The following E2F2 variants were observed in gnomAD, a reference collection of about 807,000 sequenced individuals.
E2F2 encodes transcription factor E2F2.
E2F2 carries 22 observed loss-of-function variants against 42.2 expected under a neutral mutation model. The observed-to-expected ratio is 0.52, with a 90% CI of 0.37 to 0.74. The LOEUF is 0.74. Among genes scored for constraint, E2F2 ranks in the 30% least tolerant of loss-of-function variants. E2F2 has a pLI of 0.00. For missense variants in E2F2, 481 were observed against 557.8 expected, an observed-to-expected ratio of 0.86 and a Z score of 1.39; for synonymous variants, 248 against 251.6, an observed-to-expected ratio of 0.99 and a Z score of 0.13.
At chr1:23,522,106 C>G in intron 2 of E2F2, 50 bp from the exon 3 acceptor site, 1 of 1,561,838 alleles carries the variant, frequency 6.4e-7, no homozygotes, top group Non-Finnish European at 8.8e-7. Context: ...AGGGCCCGCC[C>G]AGGACCCTCG....
At chr1:23,523,793 G>A (rs1246022062) in intron 2 of E2F2, among the ~76,000 whole-genome samples, 1 of 152,156 alleles carries the variant, frequency 6.6e-6, no homozygotes, top group Non-Finnish European at 1.5e-5. Flanking sequence ...TGCGAGACTG[G>A]CCAGGCATGG....
chr1:23,530,779 G>A lies in E2F2; in HGVS notation c.15C>T (p.Pro5=), dbSNP rs763555046. 5 of 1,550,652 alleles carry A rather than the reference G, an allele frequency of 3.2e-6. No individual in the cohort carries two copies. Among genetic ancestry groups the A allele is most frequent in the Non-Finnish European group, 4.4e-6 (5 of 1,145,374 alleles). ...GCCCAGCGGCCGAAGCCAAGGCCCG[G>A]GGCCCTTGCAGCATAGCGAGTAAGG... The part of the protein sequence containing the change: MLQG[P]RALASAAGQT... The change falls in exon 1 of 7, where the codon CCC becomes CCT. Residue 5 remains proline, a synonymous_variant. Coordinates refer to ENST00000361729, the MANE Select transcript of E2F2 (RefSeq NM_004091.4). This position sits in a 1 kb window ranked among gnomAD's most constrained non-coding sequence, Gnocchi z 4.4.
At chr1:23,518,309 A>G (rs902612742) in intron 5 of E2F2, among the ~76,000 whole-genome samples, 4 of 151,998 alleles carry the variant, frequency 2.6e-5, no homozygotes, top group Non-Finnish European at 5.9e-5. Flanking sequence ...CTACTAAAAA[A>G]AAAATACAAA....
chr1:23,524,403 T>C lies in E2F2; in HGVS notation c.338A>G (p.Asp113Gly). The change falls in exon 2 of 7, where the codon GAT becomes GGT. Residue 113 changes from aspartate to glycine, a missense_variant. By Grantham distance (94) the Asp-to-Gly change is moderately conservative. Transcript: ENST00000361729. The part of the protein sequence containing the change: ...PTPKGKCIRV[D>G]GLPSPKTPKS... ...CTTACTTTTGGGGCTGGGGAGGCCA[T>C]CCACTCTGATGCACTTCCCCTTGGG... is the stretch of plus-strand genomic sequence containing the variant. The C allele has an allele frequency of 6.7e-7, 1 of 1,493,622 alleles. No individual in the cohort carries two copies. The highest frequency in any genetic ancestry group is 9.1e-7 in the Non-Finnish European group (1 of 1,104,862). 92.5% of individuals were successfully genotyped at this position (1,493,622 alleles called of 1,614,324 possible).
At position 23,509,966 on chromosome 1, in the gene E2F2, C is replaced by T. The variant is rs1299521619; in HGVS notation, c.1228G>A (p.Asp410Asn). 2 of 1,612,778 alleles carry T rather than the reference C, an allele frequency of 1.2e-6. No individual in the cohort carries two copies. Among genetic ancestry groups the T allele is most frequent in the Admixed American group, 1.7e-5 (1 of 59,870 alleles). ...GCCTCCAAGCCCCACAGGTAGTCGT[C>T]CTGGTCCAAGGATGGGGAGAAGCTG... The part of the protein sequence containing the change: ...LISFSPSLDQ[D>N]DYLWGLEAGE... Residue 410 changes from aspartate to asparagine, a missense_variant, in exon 7 of 7, where the codon GAC (aspartate) becomes AAC (asparagine). Asp to Asn is a conservative substitution (Grantham distance 23). Coordinates refer to ENST00000361729, the MANE Select transcript of E2F2 (RefSeq NM_004091.4).
At chr1:23,519,154 GTGAC>G in intron 4 of E2F2, 24 bp from the exon 5 acceptor site, 1 of 1,592,946 alleles carries the variant, frequency 6.3e-7, no homozygotes, top group Non-Finnish European at 8.6e-7. Flanking sequence ...GTCAAGAAAA[GTGAC>G]TGTCTGGTCA....
chr1:23,524,216 T>G (rs376747055), intron 2 of E2F2, among the ~76,000 whole-genome samples, 167 bp downstream of exon 2: 28 of 152,152 alleles, frequency 1.8e-4, no homozygotes, highest in Admixed American at 1.2e-3. Context: ...GTTGCCTGAT[T>G]AGTAAAGACA....
rs1267983912 is a variant in E2F2, at chr1:23,507,104, G to A, written c.*2776C>T. 3.3e-5 allele frequency: 4 copies of A among 122,658 alleles called. No homozygotes were observed. Among genetic ancestry groups the A allele is most frequent in the Non-Finnish European group, 8.0e-5 (4 of 49,882 alleles). The allele number at this position is 122,658 out of a possible 1,614,324, so 7.6% of individuals were successfully genotyped here. A position where few individuals can be genotyped will look rare whatever the true frequency, so the allele number is the denominator to read the frequency against. ...GCTTTAGAAGTCCCTGGGGACACGA[G>A]TGATTTTTTTAGGGGGGCTGCTGGT... is the stretch of plus-strand genomic sequence containing the variant. On this transcript the variant is annotated 3_prime_UTR_variant, in exon 7 of 7. Coordinates refer to ENST00000361729, the MANE Select transcript of E2F2 (RefSeq NM_004091.4).
chr1:23,511,385 C>T (rs963566298), intron 6 of E2F2, among the ~76,000 whole-genome samples: 1 of 152,056 alleles, frequency 6.6e-6, no homozygotes, highest in Non-Finnish European at 1.5e-5. Context: ...CTGGTGCGTG[C>T]CACCATGCCC....
chr1:23,520,867 A>T, intron 4 of E2F2, 46 bp downstream of exon 4: 1 of 1,490,060 alleles, frequency 6.7e-7, no homozygotes, highest in Non-Finnish European at 9.0e-7. Flanking sequence ...ATAAACATGC[A>T]ACAGGTTCCT....
chr1:23,521,835 A>G lies in E2F2; in HGVS notation c.578+2T>C. The G allele has an allele frequency of 6.2e-7, 1 of 1,613,400 alleles. No homozygotes were observed. The highest frequency in any genetic ancestry group is 8.5e-7 in the Non-Finnish European group (1 of 1,179,900). The stretch of plus-strand genomic sequence containing the variant: ...GGTACCACTGGCCGCCCAGGCACTC[A>G]CACCCACTGGATGTTGTTCTTGGCC... On this transcript the variant is annotated splice_donor_variant, in intron 3 of 6. Coordinates refer to ENST00000361729, the MANE Select transcript of E2F2 (RefSeq NM_004091.4). LOFTEE classifies it high-confidence loss of function.
chr1:23,511,977 C>G (rs3218199), intron 6 of E2F2, among the ~76,000 whole-genome samples: 2 of 152,136 alleles, frequency 1.3e-5, no homozygotes, highest in African/African-American at 4.8e-5. Flanking sequence ...GCAGGCAGAT[C>G]ACCTGAGGTC....
chr1:23,526,113 G>A (rs1643246340), intron 1 of E2F2, among the ~76,000 whole-genome samples: 2 of 152,032 alleles, frequency 1.3e-5, no homozygotes, highest in African/African-American at 4.8e-5. Flanking sequence ...CACCACTACC[G>A]AGACCTGGAA....
intron 5 of E2F2, among the ~76,000 whole-genome samples, chr1:23,516,781 G>A (rs1643028977): frequency 8.4e-6 from 1 of 118,874 alleles, no homozygotes; most frequent in Admixed American, 1.0e-4. Flanking sequence ...CCACTCTCAG[G>A]TCATCTAGTT....
intron 6 of E2F2, among the ~76,000 whole-genome samples, chr1:23,512,529 G>A (rs1383647972): frequency 6.6e-6 from 1 of 152,202 alleles, no homozygotes; most frequent in East Asian, 1.9e-4. Context: ...GGAGCGGGGA[G>A]CATGTGGGCT....
In E2F2 at chr1:23,510,118, G is replaced by A; in HGVS notation, c.1076C>T (p.Ala359Val). The A allele has an allele frequency of 6.2e-7, 1 of 1,603,024 alleles. No homozygotes were observed. Among genetic ancestry groups the A allele is most frequent in the Non-Finnish European group, 8.5e-7 (1 of 1,175,552 alleles). The change falls in exon 7 of 7, where the codon GCC becomes GTC. Residue 359 changes from alanine to valine, a missense_variant. Transcript: ENST00000361729. ...GGGGACCAGGGATGGAGGCGGTGGG[G>A]CCTGCTGGGGGGTTGGCGCTGGTGC... ...VPAPAPTPQQAPPPPSLVPLE... is the reference protein window; with the variant it reads ...VPAPAPTPQQVPPPPSLVPLE...
downstream of E2F2, among the ~76,000 whole-genome samples, chr1:23,505,769 T>C (rs1642785985): frequency 6.6e-6 from 1 of 152,110 alleles, no homozygotes; most frequent in Non-Finnish European, 1.5e-5. Context: ...CGCCTTGGAC[T>C]CTCGAAGTGT....
intron 5 of E2F2, among the ~76,000 whole-genome samples, chr1:23,517,010 AC>A (rs1237168443): frequency 6.6e-6 from 1 of 152,066 alleles, no homozygotes; most frequent in East Asian, 1.9e-4. Context: ...TACCTCTACC[AC>A]CACAAGGAGA....
intron 1 of E2F2, among the ~76,000 whole-genome samples, chr1:23,528,683 CT>C (rs1359731324): frequency 6.6e-6 from 1 of 152,160 alleles, no homozygotes; most frequent in South Asian, 2.1e-4. Flanking sequence ...AAAGAGAGAC[CT>C]TCTTGCTAAG....
Sources: allele counts gnomAD v4.1 joint callset (sites outside exome capture counted in the v4.1 genomes callset), GRCh38; gene constraint gnomAD v4.1.1; non-coding constraint Gnocchi (gnomAD v3.1); transcripts MANE v1.5; gene names NCBI Gene and HGNC (gene_info 2026-07-23, HGNC 2026-07-21).